GRM7: variants seen among roughly 807,000 people sequenced by gnomAD.
GRM7 encodes the protein glutamate metabotropic receptor 7.
Under a neutral mutation model 84.5 loss-of-function variants are expected in GRM7, and 35 were observed. The observed-to-expected ratio is 0.41, with a 90% CI of 0.32 to 0.55. The LOEUF is 0.55. GRM7 is among the 20% of genes least tolerant of loss of function. The probability of loss-of-function intolerance (pLI) is 0.19; values close to 1 mark genes in which losing one functional copy is unlikely to be tolerated. For synonymous variants in GRM7, 487 were observed against 455.1 expected, an observed-to-expected ratio of 1.07 and a Z score of -0.89; for missense variants, 1,003 against 1,194.6, an observed-to-expected ratio of 0.84 and a Z score of 2.36.
chr3:7,388,831 G>T lies in GRM7; in HGVS notation c.1034-26192G>T, dbSNP rs73809092. On this transcript the variant is annotated intron_variant, in intron 4 of 9. Coordinates refer to ENST00000357716, the MANE Select transcript of GRM7 (RefSeq NM_000844.4). ...TATCAATCTTGTTTATACTTTTAAA[G>T]AAGCAATTTTTCATTTTATTGATCC... Among the ~76,000 whole-genome samples the T allele has an allele frequency of 4.3e-3, 659 of 151,978 alleles. 3 individuals are homozygous for T. The highest frequency in any genetic ancestry group is 0.015 in the African/African-American group (607 of 41,524).
chr3:7,501,696 G>A lies in GRM7; in HGVS notation c.1515+39974G>A, dbSNP rs184156832. On this transcript the variant is annotated intron_variant, in intron 7 of 9. Transcript: ENST00000357716. ...GCACAATTTACCATGATTCCTATAG[G>A]TTGTTCATAACCATTTTCTTTGTAG... 9.3e-4 allele frequency among the ~76,000 whole-genome samples: 141 copies of A among 152,184 alleles called. 1 individual carries two copies. Among genetic ancestry groups the A allele is most frequent in the Non-Finnish European group, 1.7e-3 (115 of 68,012 alleles).
At chr3:7,713,743 A>G (rs1297968450) in intron 9 of GRM7, among the ~76,000 whole-genome samples, 1 of 151,980 alleles carries the variant, frequency 6.6e-6, no homozygotes, top group African/African-American at 2.4e-5. Flanking sequence ...GAAAGGTATA[A>G]AACAGAATTT....
intron 4 of GRM7, among the ~76,000 whole-genome samples, chr3:7,343,231 T>TTTC: frequency 6.6e-6 from 1 of 152,022 alleles, no homozygotes; most frequent in East Asian, 1.9e-4. Flanking sequence ...AGGTGTTTTT[T>TTTC]TTCTTCTTCT....
At chr3:7,039,349 T>C (rs1696504501) in intron 1 of GRM7, among the ~76,000 whole-genome samples, 2 of 152,014 alleles carry the variant, frequency 1.3e-5, no homozygotes, top group South Asian at 4.1e-4. Flanking sequence ...GAGAAAGTGT[T>C]TTTTAAAAAA....
intron 2 of GRM7, among the ~76,000 whole-genome samples, chr3:7,288,318 C>T (rs1391364788): frequency 6.6e-6 from 1 of 152,060 alleles, no homozygotes; most frequent in African/African-American, 2.4e-5. Flanking sequence ...TAGAATACCA[C>T]ACTGGAGTTA....
intron 8 of GRM7, among the ~76,000 whole-genome samples, chr3:7,602,661 A>C (rs1306653870): frequency 6.6e-6 from 1 of 152,158 alleles, no homozygotes; most frequent in Non-Finnish European, 1.5e-5. Flanking sequence ...TTCTTTATGA[A>C]GATGTGATTG....
At chr3:7,313,533 C>G (rs76161409) in intron 4 of GRM7, among the ~76,000 whole-genome samples, 2,561 of 152,084 alleles carry the variant, frequency 0.017, 82 homozygotes, top group African/African-American at 0.055. Context: ...CTCTGTATAC[C>G]CAGCACTTGA....
chr3:7,652,837 C>G (rs916699921), intron 8 of GRM7, among the ~76,000 whole-genome samples: 3 of 152,148 alleles, frequency 2.0e-5, no homozygotes, highest in African/African-American at 7.2e-5. Context: ...ACATCTAATT[C>G]TTTTTGAAAC....
At chr3:6,901,492 G>A (rs1464877192) in intron 1 of GRM7, among the ~76,000 whole-genome samples, 1 of 151,536 alleles carries the variant, frequency 6.6e-6, no homozygotes, top group Non-Finnish European at 1.5e-5. Context: ...CAGCTACTCA[G>A]GAGGCTGAGG....
chr3:7,010,963 T>C (rs960584728), intron 1 of GRM7, among the ~76,000 whole-genome samples: 3 of 152,216 alleles, frequency 2.0e-5, no homozygotes, highest in South Asian at 2.1e-4. Context: ...CTTCCAGTTC[T>C]CTCAAAGTGC....
At chr3:7,373,807 G>A (rs929931337) in intron 4 of GRM7, among the ~76,000 whole-genome samples, 6 of 152,168 alleles carry the variant, frequency 3.9e-5, no homozygotes, top group African/African-American at 7.2e-5. Context: ...CTGTGATGGT[G>A]AATAGTCAAT....
chr3:7,200,402 A>G (rs559256852), intron 2 of GRM7, among the ~76,000 whole-genome samples: 2 of 152,210 alleles, frequency 1.3e-5, no homozygotes, highest in Non-Finnish European at 2.9e-5. Context: ...ACTCTGCCCT[A>G]CCCAGGATTT....
At chr3:7,362,867 G>A (rs1575221550) in intron 4 of GRM7, among the ~76,000 whole-genome samples, 1 of 152,070 alleles carries the variant, frequency 6.6e-6, no homozygotes, top group Admixed American at 6.6e-5. Flanking sequence ...ATGGCTCACA[G>A]CTGTAATCCC....
intron 4 of GRM7, among the ~76,000 whole-genome samples, chr3:7,311,596 C>CTTTT (rs1162667301): frequency 9.9e-6 from 1 of 101,114 alleles, no homozygotes; most frequent in African/African-American, 6.5e-5. Flanking sequence ...TGTTTCAATA[C>CTTTT]ATTTTTTTTT....
intron 9 of GRM7, among the ~76,000 whole-genome samples, chr3:7,730,526 C>A (rs2063618131): frequency 6.6e-6 from 1 of 152,128 alleles, no homozygotes; most frequent in Non-Finnish European, 1.5e-5. Context: ...TTCTGTGCCA[C>A]TGGTTTATAG....
Position 6,890,499 on chromosome 3 carries a change from C to T in GRM7, c.519+28592C>T, listed in dbSNP as rs191740188. On this transcript the variant is annotated intron_variant, in intron 1 of 9. Transcript: ENST00000357716. ...TTCATTCCGTTATGTAGCCAGTAGT[C>T]ATTTAGTAGCAGGTTGTTCAGTTTG... Among the ~76,000 whole-genome samples the T allele has an allele frequency of 9.1e-4, 139 of 152,228 alleles. 5 individuals are homozygous for T. In the East Asian group the frequency reaches 0.017, roughly 19 times the overall value.
chr3:7,423,449 G>A (rs1363751256), intron 5 of GRM7, among the ~76,000 whole-genome samples: 3 of 152,198 alleles, frequency 2.0e-5, no homozygotes, highest in Non-Finnish European at 4.4e-5. Context: ...TAATTCATAT[G>A]CATCTTCTCA....
intron 4 of GRM7, among the ~76,000 whole-genome samples, chr3:7,334,790 A>T (rs887858172): frequency 6.6e-6 from 1 of 152,196 alleles, no homozygotes; most frequent in South Asian, 2.1e-4. Context: ...CAGACAAAAC[A>T]AACTTTAAAG....
At chr3:7,065,389 G>T (rs1697620044) in intron 1 of GRM7, among the ~76,000 whole-genome samples, 1 of 151,822 alleles carries the variant, frequency 6.6e-6, no homozygotes, top group Admixed American at 6.6e-5. Flanking sequence ...CAAGGATCCA[G>T]TTTCATTCTC....
Sources: allele counts gnomAD v4.1 joint callset (sites outside exome capture counted in the v4.1 genomes callset), GRCh38; gene constraint gnomAD v4.1.1; transcripts MANE v1.5; gene names NCBI Gene and HGNC (gene_info 2026-07-23, HGNC 2026-07-21).